The following ALG13 variants were observed in gnomAD, a reference collection of about 807,000 sequenced individuals.
ALG13 encodes ALG13 UDP-N-acetylglucosaminyltransferase subunit.
Under a neutral mutation model 87.8 loss-of-function variants are expected in ALG13, and 11 were observed. The ratio of observed to expected loss-of-function variants is 0.13; its 90% CI spans 0.08 to 0.21. The LOEUF (loss-of-function observed/expected upper bound fraction) is 0.21, where lower values mean the gene tolerates loss of function less well. Among genes scored for constraint, ALG13 ranks in the 10% least tolerant of loss-of-function variants. The pLI is 1.00. For missense variants in ALG13, 756 were observed against 866.1 expected, an observed-to-expected ratio of 0.87 and a Z score of 1.60; for synonymous variants, 320 against 306.3, an observed-to-expected ratio of 1.04 and a Z score of -0.47.
intron 14 of ALG13, 38 bp from the exon 15 acceptor site, chrX:111,724,896 G>C: frequency 1.7e-6 from 2 of 1,197,908 alleles, no homozygotes; most frequent in Non-Finnish European, 2.3e-6. Flanking sequence ...TTAAGTCTGT[G>C]TTGCAGTATC....
chrX:111,743,699 T>C (rs1177469608), intron 23 of ALG13: 2 of 111,788 alleles, frequency 1.8e-5, no homozygotes, highest in Non-Finnish European at 3.8e-5. Context: ...AAATTCAGCT[T>C]GTGTGAATTG....
intron 3 of ALG13, among the ~76,000 whole-genome samples, chrX:111,700,191 G>A (rs144028375): frequency 0.1 from 11,217 of 110,096 alleles, 1,350 homozygotes; most frequent in African/African-American, 0.34. Context: ...TTTGGATAAT[G>A]TAGAAACACT....
In ALG13 at chrX:111,682,209, T is replaced by C. The variant is rs1933618884; in HGVS notation, c.159T>C (p.Thr53=). 8.3e-7 allele frequency: 1 copy of C among 1,203,686 alleles called. No individual in the cohort carries two copies. Among genetic ancestry groups the C allele is most frequent in the Middle Eastern group, 2.3e-4 (1 of 4,321 alleles). The change falls in exon 2 of 27, where the codon ACT becomes ACC. Residue 53 remains threonine, a synonymous_variant. Coordinates refer to ENST00000394780, the MANE Select transcript of ALG13 (RefSeq NM_001099922.3). ...CGGTGGTACCTGAACCCTTCAGTAC[T>C]GAGTCGTTTACTCTGGATGTTTACA... ...RGTVVPEPFS[T]ESFTLDVYRY...
At chrX:111,741,875 T>C (rs776583640) in intron 23 of ALG13, among the ~76,000 whole-genome samples, 27 of 110,993 alleles carry the variant, frequency 2.4e-4, no homozygotes, top group African/African-American at 8.2e-4. Flanking sequence ...ATGTTAATGA[T>C]GATATATTTT....
chrX:111,727,357 C>G lies in ALG13; in HGVS notation c.2002C>G (p.His668Asp). 8.3e-7 allele frequency: 1 copy of G among 1,208,700 alleles called. No individual in the cohort carries two copies. Among genetic ancestry groups the G allele is most frequent in the Non-Finnish European group, 1.1e-6 (1 of 893,665 alleles). ...PRNSSRFINR[H>D]NMPGPKVDFY... ...GAATTCATCTCGGTTTATAAACAGG[C>G]ACAACATGCCGGGCCCTAAAGTTGA... The change falls in exon 17 of 27, where the codon CAC becomes GAC. Residue 668 changes from histidine (H) to aspartate (D), a missense_variant. His to Asp is a moderately conservative substitution (Grantham distance 81). This residue lies in a region of ALG13 where 362 missense variants were observed against 383.5 expected (regional missense o/e 0.94). Coordinates refer to ENST00000394780, the MANE Select transcript of ALG13 (RefSeq NM_001099922.3).
At chrX:111,701,203 A>T (rs998810248) in intron 3 of ALG13, among the ~76,000 whole-genome samples, 2 of 111,778 alleles carry the variant, frequency 1.8e-5, no homozygotes, top group African/African-American at 6.5e-5. Flanking sequence ...TGGCTTTGGT[A>T]TCAGGGTAAT....
At chrX:111,729,032 A>G (rs775971523) in intron 19 of ALG13, among the ~76,000 whole-genome samples, 3 of 111,962 alleles carry the variant, frequency 2.7e-5, no homozygotes, top group South Asian at 7.4e-4. Context: ...CATCAACACA[A>G]TTAATACTAG....
chrX:111,730,631 C>A, intron 21 of ALG13, 51 bp downstream of exon 21: 2 of 938,405 alleles, frequency 2.1e-6, no homozygotes, highest in South Asian at 2.2e-5. Context: ...TGTACTAGGG[C>A]ACTGTTAAGA....
intron 14 of ALG13, 73 bp from the exon 15 acceptor site, chrX:111,724,861 G>A: frequency 1.9e-6 from 2 of 1,048,027 alleles, no homozygotes; most frequent in South Asian, 4.3e-5. Flanking sequence ...AGTATAAGGG[G>A]TGGGATACGT....
At chrX:111,751,411 A>G (rs1279941469) in intron 24 of ALG13, among the ~76,000 whole-genome samples, 1 of 112,019 alleles carries the variant, frequency 8.9e-6, no homozygotes, top group East Asian at 2.8e-4. Context: ...TGGGAAACCA[A>G]AAAATTGGTG....
chrX:111,730,345 T>TA, intron 19 of ALG13, 50 bp from the exon 20 acceptor site: 1 of 1,152,969 alleles, frequency 8.7e-7, no homozygotes, highest in Non-Finnish European at 1.2e-6. Flanking sequence ...TCTGCTGAGC[T>TA]AAAAAGACCT....
At chrX:111,745,074 G>T (rs2148408407) in intron 24 of ALG13, among the ~76,000 whole-genome samples, 170 bp downstream of exon 24, 1 of 111,342 alleles carries the variant, frequency 9.0e-6, no homozygotes, top group East Asian at 2.8e-4. Context: ...TGAAAACTGA[G>T]AATATCTTCT....
chrX:111,752,343 A>G (rs375026247), intron 24 of ALG13, among the ~76,000 whole-genome samples: 25 of 112,008 alleles, frequency 2.2e-4, no homozygotes, highest in African/African-American at 7.1e-4. Context: ...GTCATTTACT[A>G]TAAGGTAAAA....
intron 2 of ALG13, among the ~76,000 whole-genome samples, chrX:111,683,842 A>G: frequency 8.9e-6 from 1 of 111,986 alleles, no homozygotes; most frequent in African/African-American, 3.2e-5. Context: ...ATGTAAACCC[A>G]TAAGAAGTGG....
intron 18 of ALG13, 37 bp downstream of exon 18, chrX:111,727,807 CT>C: frequency 8.8e-7 from 1 of 1,131,059 alleles, no homozygotes; most frequent in Non-Finnish European, 1.2e-6. Context: ...AAGCTGTTTA[CT>C]TTTTTCATTT....
In ALG13 at chrX:111,709,004, G is replaced by A. The variant is rs1184900940; in HGVS notation, c.790G>A (p.Ala264Thr). The A allele has an allele frequency of 8.4e-7, 1 of 1,189,152 alleles. No individual in the cohort carries two copies. The highest frequency in any genetic ancestry group is 2.3e-5 in the Admixed American group (1 of 44,398). ...GGTCCATCATTTGGAAATCAGGAAG[G>A]CTTGTGTCTCATATATGAGGGAAAA... Reference protein sequence around the residue: ...SQVHHLEIRKACVSYMRENQQ... With the variant: ...SQVHHLEIRKTCVSYMRENQQ... The change falls in exon 5 of 27, where the codon GCT becomes ACT. Residue 264 changes from alanine (A) to threonine (T), a missense_variant. By Grantham distance (58) the Ala-to-Thr change is moderately conservative (BLOSUM62 0). Transcript: ENST00000394780.
chrX:111,687,349 T>G (rs1281791007), intron 3 of ALG13, among the ~76,000 whole-genome samples: 1 of 112,746 alleles, frequency 8.9e-6, no homozygotes, highest in Non-Finnish European at 1.9e-5. Flanking sequence ...TTAAATAAAT[T>G]TCCGATGTAA....
At chrX:111,755,909 A>G (rs1043152165) in intron 25 of ALG13, among the ~76,000 whole-genome samples, 3 of 112,717 alleles carry the variant, frequency 2.7e-5, no homozygotes, top group African/African-American at 9.7e-5. Context: ...TAGCAATCCC[A>G]TTACTGGGTA....
chrX:111,686,711 T>A (rs926197038), intron 3 of ALG13, among the ~76,000 whole-genome samples: 1 of 112,368 alleles, frequency 8.9e-6, no homozygotes, highest in African/African-American at 3.2e-5. Flanking sequence ...TACTTTTAAT[T>A]AGTATTTTCA....
Sources: gnomAD v4.1 joint callset for allele counts (sites outside exome capture counted in the v4.1 genomes callset) on GRCh38, gnomAD v4.1.1 for gene constraint, gnomAD v4.1.1 regional missense constraint, MANE v1.5 for transcripts, NCBI Gene and HGNC (gene_info 2026-07-23, HGNC 2026-07-21) for gene names.